The following ASAP1 variants were observed in gnomAD, a reference collection of about 807,000 sequenced individuals.
The protein encoded by ASAP1 is arf-GAP with SH3 domain, ANK repeat and PH domain-containing protein 1.
ASAP1 carries 43 observed loss-of-function variants against 145.2 expected under a neutral mutation model. The ratio of observed to expected loss-of-function variants is 0.30; its 90% CI spans 0.23 to 0.38. The LOEUF is 0.38. Among genes scored for constraint, ASAP1 ranks in the 10% least tolerant of loss-of-function variants. ASAP1 has a pLI of 1.00. For synonymous variants in ASAP1, 546 were observed against 515.5 expected (o/e 1.06, Z -0.80); for missense variants, 1,018 against 1,355.3 (o/e 0.75, Z 3.91).
intron 3 of ASAP1, among the ~76,000 whole-genome samples, chr8:130,269,038 A>T (rs1190465787): frequency 6.6e-6 from 1 of 152,172 alleles, no homozygotes; most frequent in Non-Finnish European, 1.5e-5. Context: ...TAAAACCATT[A>T]TTGGCCTCCA....
At chr8:130,193,094 A>T (rs1207943471) in intron 5 of ASAP1, among the ~76,000 whole-genome samples, 1 of 152,156 alleles carries the variant, frequency 6.6e-6, no homozygotes, top group East Asian at 1.9e-4. Context: ...GGAGGAAAAA[A>T]GGCCAGGCTC....
At chr8:130,414,380 G>C (rs557511091) in intron 1 of ASAP1, among the ~76,000 whole-genome samples, 3 of 152,230 alleles carry the variant, frequency 2.0e-5, no homozygotes, top group Admixed American at 6.5e-5. Flanking sequence ...CAAGGTTCTT[G>C]ACCTGAAAGG....
chr8:130,394,167 C>T (rs1161541388), intron 2 of ASAP1, among the ~76,000 whole-genome samples: 1 of 152,216 alleles, frequency 6.6e-6, no homozygotes, highest in Non-Finnish European at 1.5e-5. Context: ...TAACCTTAAA[C>T]TTTGACCACC....
Position 130,438,238 on chromosome 8 carries a change from C to T in ASAP1, c.-28+5222G>A, listed in dbSNP as rs1030318529. Among the ~76,000 whole-genome samples the T allele has an allele frequency of 2.6e-5, 4 of 152,292 alleles. No individual in the cohort carries two copies. In the East Asian group the frequency reaches 5.8e-4, roughly 22 times the overall value. ...CAGAAATCTGGTATTAATTACCCCT[C>T]GCAGCAACGTGGCTACACAGCACAT... On this transcript the variant is annotated intron_variant, in intron 1 of 29. Transcript: ENST00000518721.
chr8:130,263,433 G>T (rs1820060067), intron 3 of ASAP1, among the ~76,000 whole-genome samples: 1 of 152,194 alleles, frequency 6.6e-6, no homozygotes, highest in African/African-American at 2.4e-5. Flanking sequence ...GAAAAAAGAT[G>T]CAACAAGCAA....
intron 3 of ASAP1, among the ~76,000 whole-genome samples, chr8:130,334,289 A>G (rs536059180): frequency 2.6e-4 from 40 of 152,314 alleles, no homozygotes; most frequent in Non-Finnish European, 5.0e-4. Flanking sequence ...AGCACATCAA[A>G]TATGTTCCTT....
At chr8:130,398,708 G>C (rs1828643936) in intron 2 of ASAP1, among the ~76,000 whole-genome samples, 1 of 152,170 alleles carries the variant, frequency 6.6e-6, no homozygotes, top group African/African-American at 2.4e-5. Context: ...AACTCAACTA[G>C]TGCTCAAAAC....
In ASAP1 at chr8:130,109,034, C is replaced by G. The variant is rs191124456; in HGVS notation, c.2401+3060G>C. On this transcript the variant is annotated intron_variant, in intron 24 of 29. Transcript: ENST00000518721. ...AGGTGATCCGGCCACCTCGGTCTCC[C>G]AAAGTGTTGGGATTATAGGCGTAAG... Among the ~76,000 whole-genome samples the G allele has an allele frequency of 2.8e-3, 429 of 152,144 alleles. 1 individual carries two copies. Among genetic ancestry groups the G allele is most frequent in the African/African-American group, 9.9e-3 (412 of 41,516 alleles).
At chr8:130,179,101 G>A in intron 9 of ASAP1, 163 bp downstream of exon 9, 2 of 496,794 alleles carry the variant, frequency 4.0e-6, no homozygotes, top group South Asian at 6.5e-5. Flanking sequence ...ATAAAACACT[G>A]AAGATGGAAG....
At chr8:130,271,482 G>A (rs1820583814) in intron 3 of ASAP1, among the ~76,000 whole-genome samples, 1 of 152,194 alleles carries the variant, frequency 6.6e-6, no homozygotes, top group Non-Finnish European at 1.5e-5. Flanking sequence ...GAAAAGGAGA[G>A]TAGGAAGTCA....
intron 3 of ASAP1, among the ~76,000 whole-genome samples, chr8:130,273,330 T>C (rs948607140): frequency 1.8e-4 from 27 of 152,096 alleles, no homozygotes; most frequent in Admixed American, 4.6e-4. Flanking sequence ...TCAAAATCAA[T>C]TGAAAACCTT....
intron 2 of ASAP1, among the ~76,000 whole-genome samples, chr8:130,382,068 C>T (rs895394966): frequency 3.3e-5 from 5 of 152,044 alleles, no homozygotes; most frequent in African/African-American, 9.7e-5. Flanking sequence ...GGGCAGATCA[C>T]GAGGTCAGGA....
intron 3 of ASAP1, among the ~76,000 whole-genome samples, chr8:130,273,543 A>G (rs1313946060): frequency 6.6e-6 from 1 of 152,206 alleles, no homozygotes; most frequent in African/African-American, 2.4e-5. Flanking sequence ...CACAGCAGCC[A>G]GGCTTCTGAA....
intron 10 of ASAP1, 40 bp from the exon 11 acceptor site, chr8:130,167,662 C>A (rs750838927): frequency 5.7e-5 from 80 of 1,400,334 alleles, no homozygotes; most frequent in Admixed American, 1.7e-5. Flanking sequence ...ACCATTTACA[C>A]TTTCACAGGC....
chr8:130,130,940 A>T (rs1331294950), intron 15 of ASAP1, among the ~76,000 whole-genome samples: 5 of 152,068 alleles, frequency 3.3e-5, no homozygotes, highest in Non-Finnish European at 7.4e-5. Context: ...GCAAATCACG[A>T]GGTCAGGAGA....
intron 11 of ASAP1, among the ~76,000 whole-genome samples, chr8:130,165,385 C>T (rs1189463054): frequency 6.6e-6 from 1 of 152,188 alleles, no homozygotes; most frequent in Non-Finnish European, 1.5e-5. Context: ...TCTCCCAAGA[C>T]TGAAATCTAC....
intron 2 of ASAP1, among the ~76,000 whole-genome samples, chr8:130,391,304 G>C (rs1828273779): frequency 6.6e-6 from 1 of 152,192 alleles, no homozygotes; most frequent in African/African-American, 2.4e-5. Flanking sequence ...GTTGTCATTT[G>C]ATGGGTACAG....
At chr8:130,070,792 A>G (rs1455466915) in intron 27 of ASAP1, among the ~76,000 whole-genome samples, 1 of 139,666 alleles carries the variant, frequency 7.2e-6, no homozygotes, top group Non-Finnish European at 1.5e-5. Context: ...TGAGGAACTC[A>G]AGGAGGAGAT....
intron 3 of ASAP1, among the ~76,000 whole-genome samples, chr8:130,245,308 C>A (rs982717129): frequency 6.6e-6 from 1 of 152,222 alleles, no homozygotes; most frequent in South Asian, 2.1e-4. Flanking sequence ...CCTTAAGATT[C>A]TCCTGTGCTT....
Sources: gnomAD v4.1 joint callset for allele counts (sites outside exome capture counted in the v4.1 genomes callset) on GRCh38, gnomAD v4.1.1 for gene constraint, MANE v1.5 for transcripts, NCBI Gene and HGNC (gene_info 2026-07-23, HGNC 2026-07-21) for gene names.